INPP4B: variants seen among roughly 807,000 people sequenced by gnomAD.
INPP4B encodes inositol polyphosphate 4-phosphatase type II.
Under a neutral mutation model 122.5 loss-of-function variants are expected in INPP4B, and 55 were observed. That is an observed-to-expected ratio of 0.45 (90% CI 0.36 to 0.56). The LOEUF (loss-of-function observed/expected upper bound fraction) is 0.56. INPP4B is among the 20% of genes least tolerant of loss of function. INPP4B has a pLI of 0.00. For synonymous variants in INPP4B, 403 were observed against 388.7 expected (o/e 1.04, Z -0.43); for missense variants, 1,000 against 1,097.7 (o/e 0.91, Z 1.26).
chr4:142,797,121 C>T (rs1013466108), intron 1 of INPP4B, among the ~76,000 whole-genome samples: 1 of 151,868 alleles, frequency 6.6e-6, no homozygotes, highest in Non-Finnish European at 1.5e-5. Context: ...TTACTATGTG[C>T]CATGCTCTCA....
intron 7 of INPP4B, among the ~76,000 whole-genome samples, chr4:142,356,940 C>A (rs1368494718): frequency 6.6e-6 from 1 of 151,826 alleles, no homozygotes; most frequent in East Asian, 1.9e-4. Context: ...AATAAAGAAC[C>A]CTAAACTACT....
intron 2 of INPP4B, among the ~76,000 whole-genome samples, chr4:142,676,584 C>A (rs1757816827): frequency 6.6e-6 from 1 of 152,162 alleles, no homozygotes; most frequent in Non-Finnish European, 1.5e-5. Context: ...TACCTGACTT[C>A]AAACTATACT....
rs187806249 is a variant in INPP4B at position 142,425,506 on chromosome 4, G to A, written c.136+3667C>T. 4.9e-4 allele frequency among the ~76,000 whole-genome samples: 74 copies of A among 151,710 alleles called. 1 individual carries two copies. The highest frequency in any genetic ancestry group is 4.6e-3 in the Admixed American group (70 of 15,202). The stretch of plus-strand genomic sequence containing the variant: ...TCACTAACCTAATTTACTACCCTTC[G>A]ATCCCAGTATTCCCATTATAAGAAC... On this transcript the variant is annotated intron_variant, in intron 5 of 25. Transcript: ENST00000262992.
At chr4:142,811,146 G>A (rs1779471151) in intron 1 of INPP4B, among the ~76,000 whole-genome samples, 2 of 152,150 alleles carry the variant, frequency 1.3e-5, no homozygotes, top group Non-Finnish European at 2.9e-5. Context: ...ATTGGGGCTC[G>A]ATGCAGTGCT....
chr4:142,146,141 A>G (rs1810594846), intron 17 of INPP4B, 145 bp from the exon 18 acceptor site: 3 of 854,852 alleles, frequency 3.5e-6, no homozygotes, highest in Non-Finnish European at 5.4e-6. Flanking sequence ...TAATTTGGTC[A>G]GACTATGGAT....
chr4:142,042,975 C>T (rs1749088694), intron 25 of INPP4B, among the ~76,000 whole-genome samples: 1 of 152,126 alleles, frequency 6.6e-6, no homozygotes, highest in Non-Finnish European at 1.5e-5. Flanking sequence ...CAACATCAAA[C>T]ACCACCATTA....
At chr4:142,172,007 T>A (rs758080076) in intron 16 of INPP4B, among the ~76,000 whole-genome samples, 3 of 151,760 alleles carry the variant, frequency 2.0e-5, no homozygotes, top group Non-Finnish European at 4.4e-5. Context: ...CATCTATAAA[T>A]CCAAAAAAGA....
At chr4:142,611,694 A>G (rs1166817975) in intron 2 of INPP4B, among the ~76,000 whole-genome samples, 4 of 112,612 alleles carry the variant, frequency 3.6e-5, no homozygotes, top group Non-Finnish European at 4.9e-5. Flanking sequence ...CCCAGGCTGG[A>G]GTCTGGCTGT....
At chr4:142,581,365 C>G (rs1055292636) in intron 2 of INPP4B, among the ~76,000 whole-genome samples, 5 of 151,976 alleles carry the variant, frequency 3.3e-5, no homozygotes, top group African/African-American at 9.7e-5. Context: ...CAAGGGCAAG[C>G]AAACAAACTA....
intron 3 of INPP4B, among the ~76,000 whole-genome samples, chr4:142,440,514 T>G (rs766837346): frequency 1.2e-4 from 18 of 152,316 alleles, no homozygotes; most frequent in Non-Finnish European, 2.4e-4. Flanking sequence ...TTTCCTAATG[T>G]TTTTTATCCT....
chr4:142,624,852 A>G (rs1745941166), intron 2 of INPP4B, among the ~76,000 whole-genome samples: 1 of 152,198 alleles, frequency 6.6e-6, no homozygotes, highest in African/African-American at 2.4e-5. Flanking sequence ...AATGTAATCC[A>G]GCATATAAAC....
intron 2 of INPP4B, among the ~76,000 whole-genome samples, chr4:142,664,713 A>G (rs980919825): frequency 3.9e-5 from 6 of 152,198 alleles, no homozygotes; most frequent in Non-Finnish European, 8.8e-5. Flanking sequence ...AAATATAAAA[A>G]ACAGAATTCC....
chr4:142,296,146 G>A (rs1241302402), intron 9 of INPP4B, among the ~76,000 whole-genome samples: 1 of 152,172 alleles, frequency 6.6e-6, no homozygotes, highest in African/African-American at 2.4e-5. Flanking sequence ...ACTCTGGTTT[G>A]TGTTGTCCCT....
chr4:142,356,019 T>G lies in INPP4B; in HGVS notation c.373-41257A>C, dbSNP rs182158693. Among the ~76,000 whole-genome samples, 619 of 151,678 alleles carry G rather than the reference T, an allele frequency of 4.1e-3. 1 individual carries two copies. The highest frequency in any genetic ancestry group is 7.5e-3 in the Non-Finnish European group (511 of 67,838). On this transcript the variant is annotated intron_variant, in intron 7 of 25. Coordinates refer to ENST00000262992, the MANE Select transcript of INPP4B (RefSeq NM_001101669.3). The stretch of plus-strand genomic sequence containing the variant: ...TACTGGGGCTACAAAAAATTAGAAC[T>G]ATGTAGTTTTATCCTCCCCAAATCT...
intron 25 of INPP4B, among the ~76,000 whole-genome samples, chr4:142,079,353 G>A (rs1308788013): frequency 1.3e-5 from 2 of 151,870 alleles, no homozygotes; most frequent in African/African-American, 4.8e-5. Flanking sequence ...AATTTCCAGA[G>A]GTGGTTCTGA....
chr4:142,660,366 A>C (rs1490510909), intron 2 of INPP4B, among the ~76,000 whole-genome samples: 1 of 152,102 alleles, frequency 6.6e-6, no homozygotes, highest in Non-Finnish European at 1.5e-5. Flanking sequence ...CCCTCTTTCT[A>C]GATGGGTAGC....
At position 142,806,767 on chromosome 4, in the gene INPP4B, GA is replaced by G. The variant is rs1355757766; in HGVS notation, c.-254+39441del. On this transcript the variant is annotated intron_variant, in intron 1 of 25. Coordinates refer to ENST00000262992, the MANE Select transcript of INPP4B (RefSeq NM_001101669.3). ...AAAAAAAAAGAAGAAGAAGAAAGAAGAAAGAAAGAAAGAAAGAAGGAAAGAA... is the reference window on the plus strand; with the variant it reads ...AAAAAAAAAGAAGAAGAAGAAAGAAGAAGAAAGAAAGAAAGAAGGAAAGAA... Among the ~76,000 whole-genome samples, 373 of 47,310 alleles carry G rather than the reference GA, an allele frequency of 7.9e-3. 7 individuals are homozygous for G. The highest frequency in any genetic ancestry group is 0.027 in the African/African-American group (358 of 13,086). The allele number at this position is 47,310 out of a possible 152,430, so 31.0% of individuals were successfully genotyped here.
chr4:142,777,405 T>A (rs1308960541), intron 1 of INPP4B, among the ~76,000 whole-genome samples: 1 of 152,078 alleles, frequency 6.6e-6, no homozygotes, highest in Non-Finnish European at 1.5e-5. Context: ...GTGGGTGGCC[T>A]CTAGTAGCTG....
intron 7 of INPP4B, among the ~76,000 whole-genome samples, chr4:142,324,782 T>G (rs1771708619): frequency 6.6e-6 from 1 of 152,148 alleles, no homozygotes; most frequent in South Asian, 2.1e-4. Context: ...TTCACTTTGC[T>G]TTTTGGAAGC....
Sources: allele counts gnomAD v4.1 joint callset (sites outside exome capture counted in the v4.1 genomes callset), GRCh38; gene constraint gnomAD v4.1.1; transcripts MANE v1.5; gene names NCBI Gene and HGNC (gene_info 2026-07-23, HGNC 2026-07-21).